Variants in HEATR5B observed in about 807,000 individuals in gnomAD.
The protein encoded by HEATR5B is HEAT repeat-containing protein 5B.
In HEATR5B, 156 loss-of-function variants were observed where a neutral mutation model predicts 224.1. The ratio of observed to expected loss-of-function variants is 0.70; its 90% CI spans 0.61 to 0.80. The LOEUF is 0.80. HEATR5B is among the 30% of genes least tolerant of loss of function. The pLI, the probability that HEATR5B is intolerant of heterozygous loss-of-function variation, is 0.00. For synonymous variants in HEATR5B, 1,027 were observed against 893.0 expected, an observed-to-expected ratio of 1.15 and a Z score of -2.68; for missense variants, 2,323 against 2,535.5, an observed-to-expected ratio of 0.92 and a Z score of 1.80.
chr2:37,043,387 T>C (rs1457320560), intron 18 of HEATR5B, among the ~76,000 whole-genome samples: 1 of 152,250 alleles, frequency 6.6e-6, no homozygotes, highest in East Asian at 1.9e-4. Flanking sequence ...TACATTTTGC[T>C]GCTTGACTTT....
chr2:37,016,101 T>C (rs1254581167), intron 26 of HEATR5B, among the ~76,000 whole-genome samples: 2 of 149,376 alleles, frequency 1.3e-5, no homozygotes, highest in African/African-American at 5.0e-5. Flanking sequence ...AATAATTACA[T>C]GTCCTTACTT....
intron 16 of HEATR5B, among the ~76,000 whole-genome samples, chr2:37,054,742 C>T (rs1051889582): frequency 1.3e-5 from 2 of 152,074 alleles, no homozygotes; most frequent in African/African-American, 2.4e-5. Context: ...CTTTGCCTCC[C>T]GAAGTGCTGG....
chr2:37,055,894 G>A (rs1572901921), intron 16 of HEATR5B, among the ~76,000 whole-genome samples: 2 of 152,224 alleles, frequency 1.3e-5, no homozygotes, highest in South Asian at 4.1e-4. Context: ...GCTAGGAATA[G>A]TGTCTGTGGA....
rs757111322 is a variant in HEATR5B at position 37,041,295 on chromosome 2, GA to G, written c.2697-4del. ...CAACATCTCGAGCCGATTTCAACCT[GA>G]AAAAAAGATTATGCTTCAAGCACTA... On this transcript the variant is annotated splice_polypyrimidine_tract_variant and splice_region_variant and intron_variant, in intron 18 of 35. Coordinates refer to ENST00000233099, the MANE Select transcript of HEATR5B (RefSeq NM_019024.3). 1.2e-5 allele frequency: 19 copies of G among 1,611,466 alleles called. No individual in the cohort carries two copies. The highest frequency in any genetic ancestry group is 1.6e-5 in the Non-Finnish European group (19 of 1,178,940).
intron 3 of HEATR5B, among the ~76,000 whole-genome samples, chr2:37,078,150 G>A (rs148879541): frequency 7.2e-5 from 11 of 152,254 alleles, no homozygotes; most frequent in Non-Finnish European, 1.2e-4. Context: ...ACCATGAGGC[G>A]AGTCATTCCC....
chr2:37,053,495 T>C lies in HEATR5B; in HGVS notation c.2505+7A>G. The stretch of plus-strand genomic sequence containing the variant: ...ATTTCAGAATAGTATGTATTAAAAG[T>C]AAATACCTTTAGTGCACTAAGAACA... On this transcript the variant is annotated splice_region_variant and intron_variant, in intron 17 of 35. Transcript: ENST00000233099. The C allele has an allele frequency of 6.5e-7, 1 of 1,529,326 alleles. No individual in the cohort carries two copies. The highest frequency in any genetic ancestry group is 9.0e-7 in the Non-Finnish European group (1 of 1,116,718). 94.7% of individuals were successfully genotyped at this position (1,529,326 alleles called of 1,614,324 possible).
At chr2:36,985,632 T>C (rs1665902774) in intron 35 of HEATR5B, among the ~76,000 whole-genome samples, 1 of 145,360 alleles carries the variant, frequency 6.9e-6, no homozygotes, top group South Asian at 2.2e-4. Context: ...TTTTTTTTTT[T>C]TTTTTTTTTT....
intron 20 of HEATR5B, 73 bp downstream of exon 20, chr2:37,040,256 G>C: frequency 3.4e-6 from 4 of 1,185,710 alleles, no homozygotes; most frequent in South Asian, 1.3e-5. Flanking sequence ...CAAGTAATGT[G>C]ATGGTGATAT....
chr2:36,990,726 A>G lies in HEATR5B; in HGVS notation c.5619T>C (p.Asn1873=), dbSNP rs1158100294. The G allele has an allele frequency of 1.2e-5, 20 of 1,612,394 alleles. No individual in the cohort carries two copies. The highest frequency in any genetic ancestry group is 1.6e-5 in the Non-Finnish European group (19 of 1,178,990). The change falls in exon 34 of 36, where the codon AAT becomes AAC. Residue 1873 remains asparagine (N), a synonymous_variant. Coordinates refer to ENST00000233099, the MANE Select transcript of HEATR5B (RefSeq NM_019024.3). ...AIALFLWSAS[N]EIIGVQSLQN... ...GTAATGACTGGACTCCTATTATTTCATTACTAGCAGACCACAGGAAGAGTG... is the reference window on the plus strand; with the variant it reads ...GTAATGACTGGACTCCTATTATTTCGTTACTAGCAGACCACAGGAAGAGTG...
intron 35 of HEATR5B, among the ~76,000 whole-genome samples, chr2:36,986,307 T>C (rs1371771597): frequency 1.3e-5 from 2 of 152,222 alleles, no homozygotes; most frequent in Admixed American, 6.5e-5. Flanking sequence ...TTTTCTGACT[T>C]TCCCAATTTT....
At chr2:37,060,538 G>A in intron 12 of HEATR5B, 43 bp downstream of exon 12, 1 of 1,451,656 alleles carries the variant, frequency 6.9e-7, no homozygotes, top group Non-Finnish European at 9.2e-7. Context: ...AAATATTTTA[G>A]TTATGTCATA....
chr2:37,040,388 T>A lies in HEATR5B; in HGVS notation c.2987A>T (p.His996Leu). 6.2e-7 allele frequency: 1 copy of A among 1,614,074 alleles called. No homozygotes were observed. The highest frequency in any genetic ancestry group is 8.5e-7 in the Non-Finnish European group (1 of 1,179,994). Residue 996 changes from histidine to leucine, a missense_variant, in exon 20 of 36, where the codon CAT (histidine) becomes CTT (leucine). By Grantham distance (99) the His-to-Leu change is moderately conservative. This residue lies in a region of HEATR5B where 22 missense variants were observed against 46.9 expected (regional missense o/e 0.47). Coordinates refer to ENST00000233099, the MANE Select transcript of HEATR5B (RefSeq NM_019024.3). ...LTVPPSHTEV[H>L]QCLGRCLGAI... ...ACCCAAGCATCGACCCAAACACTGATGAACTTCTGTATGTGAAGGCGGAAC... is the reference window on the plus strand; with the variant it reads ...ACCCAAGCATCGACCCAAACACTGAAGAACTTCTGTATGTGAAGGCGGAAC...
At chr2:37,061,811 T>C (rs1671296862) in intron 11 of HEATR5B, 128 bp downstream of exon 11, 3 of 599,702 alleles carry the variant, frequency 5.0e-6, no homozygotes, top group Non-Finnish European at 5.9e-6. Flanking sequence ...GAGGAAAACA[T>C]CTTTACACCA....
intron 17 of HEATR5B, among the ~76,000 whole-genome samples, chr2:37,053,151 AT>A (rs1342626582): frequency 6.6e-6 from 1 of 152,222 alleles, no homozygotes; most frequent in Non-Finnish European, 1.5e-5. Context: ...ACTGCCTCAC[AT>A]GATTTGTGGC....
At chr2:37,060,771 T>C in intron 11 of HEATR5B, 38 bp from the exon 12 acceptor site, 2 of 1,557,778 alleles carry the variant, frequency 1.3e-6, no homozygotes, top group Non-Finnish European at 1.7e-6. Context: ...CATGTATATG[T>C]AACATACCTT....
At chr2:37,060,463 C>T in intron 12 of HEATR5B, 118 bp downstream of exon 12, 1 of 798,556 alleles carries the variant, frequency 1.3e-6, no homozygotes, top group Non-Finnish European at 1.9e-6. Context: ...ATCTAAAAGC[C>T]TATGAATTTA....
At position 37,028,843 on chromosome 2, in the gene HEATR5B, T is replaced by C; in HGVS notation, c.3439A>G (p.Thr1147Ala). The change falls in exon 23 of 36, where the codon ACT (threonine) becomes GCT (alanine). Residue 1147 changes from threonine to alanine, a missense_variant. Coordinates refer to ENST00000233099, the MANE Select transcript of HEATR5B (RefSeq NM_019024.3). ...CRHQGVNITE[T>A]GLEGLLFGML... ...CCAAAAAGAAGTCCCTCAAGACCAG[T>C]TTCTGTTATATTAACACCTTGGTGC... is the stretch of plus-strand genomic sequence containing the variant. The C allele has an allele frequency of 6.2e-7, 1 of 1,614,132 alleles. No homozygotes were observed. The highest frequency in any genetic ancestry group is 1.1e-5 in the South Asian group (1 of 91,086).
chr2:37,061,119 T>C (rs371009053), intron 11 of HEATR5B, among the ~76,000 whole-genome samples: 2 of 152,152 alleles, frequency 1.3e-5, no homozygotes, highest in South Asian at 4.1e-4. Context: ...TACATATGTA[T>C]ATAAACAAAT....
At chr2:37,044,559 A>C (rs980027992) in intron 18 of HEATR5B, among the ~76,000 whole-genome samples, 16 of 152,232 alleles carry the variant, frequency 1.1e-4, no homozygotes, top group African/African-American at 3.9e-4. Flanking sequence ...AAATAAAGCT[A>C]CTATAAAAGT....
Sources: allele counts gnomAD v4.1 joint callset (sites outside exome capture counted in the v4.1 genomes callset), GRCh38; gene constraint gnomAD v4.1.1; regional missense constraint gnomAD v4.1.1; transcripts MANE v1.5; gene names NCBI Gene and HGNC (gene_info 2026-07-23, HGNC 2026-07-21).